APBB2: variants seen among roughly 807,000 people sequenced by gnomAD.
The protein encoded by APBB2 is Fe65-like 1.
Under a neutral mutation model 82.5 loss-of-function variants are expected in APBB2, and 38 were observed. The ratio of observed to expected loss-of-function variants is 0.46; its 90% CI spans 0.36 to 0.60. The LOEUF is 0.60. Ranked by LOEUF, APBB2 falls within the 20% of genes least tolerant of loss-of-function variation. APBB2 has a pLI of 0.00. For synonymous variants in APBB2, 341 were observed against 368.2 expected (o/e 0.93, Z 0.85); for missense variants, 772 against 972.3 (o/e 0.79, Z 2.74).
chr4:40,973,223 C>A (rs1796377491), intron 6 of APBB2, among the ~76,000 whole-genome samples: 1 of 152,166 alleles, frequency 6.6e-6, no homozygotes, highest in South Asian at 2.1e-4. Flanking sequence ...AGAGGCTCAG[C>A]AAGTGATCAG....
intron 4 of APBB2, among the ~76,000 whole-genome samples, chr4:41,054,904 C>T (rs150634637): frequency 6.6e-6 from 1 of 152,142 alleles, no homozygotes; most frequent in Non-Finnish European, 1.5e-5. Context: ...CTGCCCCTCC[C>T]GATCAAACAG....
intron 1 of APBB2, among the ~76,000 whole-genome samples, chr4:41,208,960 T>C (rs935711101): frequency 2.6e-4 from 40 of 152,322 alleles, no homozygotes; most frequent in African/African-American, 7.9e-4. Flanking sequence ...AAATAAATTA[T>C]ATAGAAAGGG....
chr4:40,956,170 G>A (rs1791598604), intron 6 of APBB2, among the ~76,000 whole-genome samples: 1 of 151,890 alleles, frequency 6.6e-6, no homozygotes. Context: ...TCTGGCCCAA[G>A]GTTTGTGTTG....
chr4:40,826,990 A>C lies in APBB2; in HGVS notation c.1732+142T>G. 1 of 701,838 alleles carries C rather than the reference A, an allele frequency of 1.4e-6. No homozygotes were observed. The highest frequency in any genetic ancestry group is 1.8e-5 in the African/African-American group (1 of 55,594). 43.5% of individuals were successfully genotyped at this position (701,838 alleles called of 1,614,324 possible). ...TCAACTCTGTGCCTCTGTGAGACCC[A>C]GCGTGCAGGCTCAACTTGTGCTTAC... On this transcript the variant is annotated intron_variant, in intron 14 of 17. Transcript: ENST00000508593. This position sits in a 1 kb window ranked among gnomAD's most constrained non-coding sequence, Gnocchi z 4.5.
Position 41,013,729 on chromosome 4 carries a change from G to A in APBB2, c.689C>T (p.Pro230Leu). 1 of 1,614,192 alleles carries A rather than the reference G, an allele frequency of 6.2e-7. No individual in the cohort carries two copies. Among genetic ancestry groups the A allele is most frequent in the South Asian group, 1.1e-5 (1 of 91,080 alleles). The change falls in exon 6 of 18, where the codon CCA becomes CTA. Residue 230 changes from proline to leucine, a missense_variant. Physicochemically the swap from Pro to Leu is moderately conservative, Grantham distance 98. Coordinates refer to ENST00000508593, the MANE Select transcript of APBB2 (RefSeq NM_004307.2). The part of the protein sequence containing the change: ...DGQVATVSSS[P>L]ETKKDHPKTG... ...TTTCGGATGATCCTTCTTGGTTTCT[G>A]GGCTGGATGACACTGTGGCTACTTG...
At chr4:40,823,406 G>T (rs1014109467) in intron 16 of APBB2, among the ~76,000 whole-genome samples, 2 of 152,090 alleles carry the variant, frequency 1.3e-5, no homozygotes, top group Non-Finnish European at 2.9e-5. Flanking sequence ...TTCTCTCTGG[G>T]GCACATGAGG....
At chr4:41,083,051 G>C (rs1199095471) in intron 3 of APBB2, among the ~76,000 whole-genome samples, 1 of 152,096 alleles carries the variant, frequency 6.6e-6, no homozygotes, top group Non-Finnish European at 1.5e-5. Context: ...TGTAGACCCA[G>C]CTACTCAGGA....
At chr4:41,003,814 G>C (rs1054908089) in intron 6 of APBB2, among the ~76,000 whole-genome samples, 1 of 152,230 alleles carries the variant, frequency 6.6e-6, no homozygotes, top group African/African-American at 2.4e-5. Context: ...CTGGGGTCAA[G>C]CAATTCTCCT....
intron 2 of APBB2, among the ~76,000 whole-genome samples, chr4:41,136,468 T>C (rs1009164314): frequency 3.9e-5 from 6 of 152,188 alleles, no homozygotes; most frequent in Non-Finnish European, 7.3e-5. Flanking sequence ...TCTATGGATA[T>C]GTTTTTAGGA....
chr4:40,938,241 C>A lies in APBB2; in HGVS notation c.1045-3102G>T, dbSNP rs533768988. Among the ~76,000 whole-genome samples, 38 of 152,292 alleles carry A rather than the reference C, an allele frequency of 2.5e-4. No individual in the cohort carries two copies. The South Asian group carries it at 7.5e-3, about 30-fold the overall frequency. The stretch of plus-strand genomic sequence containing the variant: ...CTCCTGGTGCTTGTCCTGACCTTGT[C>A]CAGGCTGCAACCTCCCTTTCTCTGA... On this transcript the variant is annotated intron_variant, in intron 7 of 17. Transcript: ENST00000508593.
In APBB2 at chr4:40,934,487, G is replaced by A. The variant is rs761021749; in HGVS notation, c.1223C>T (p.Ser408Phe). ...RNAPHPDDDD[S>F]CSINSDPEAK... ...TTCTGGGTCACTGTTGATACTACAA[G>A]AATCATCATCATCAGGGTGTGGGGC... Residue 408 changes from serine (S) to phenylalanine (F), a missense_variant, in exon 10 of 18, where the codon TCT becomes TTT. By Grantham distance (155) the Ser-to-Phe change is radical. Transcript: ENST00000508593. The A allele has an allele frequency of 1.9e-6, 3 of 1,614,154 alleles. No individual in the cohort carries two copies. In the South Asian group the frequency reaches 3.3e-5, roughly 18 times the overall value.
intron 12 of APBB2, among the ~76,000 whole-genome samples, chr4:40,884,956 T>C (rs764396404): frequency 6.6e-6 from 1 of 152,196 alleles, no homozygotes; most frequent in Non-Finnish European, 1.5e-5. Context: ...TTATGAATAA[T>C]CTATGACACA....
chr4:41,122,428 T>C (rs1364223572), intron 2 of APBB2, among the ~76,000 whole-genome samples: 1 of 152,176 alleles, frequency 6.6e-6, no homozygotes, highest in Admixed American at 6.5e-5. Flanking sequence ...TAAACAACAC[T>C]AGCAGATTAA....
intron 10 of APBB2, among the ~76,000 whole-genome samples, chr4:40,912,951 T>C (rs967382315): frequency 3.3e-5 from 5 of 152,198 alleles, no homozygotes; most frequent in African/African-American, 1.2e-4. Context: ...TGGAAAAGAT[T>C]GGAAAGCAAG....
chr4:41,114,283 C>A (rs1750194759), intron 2 of APBB2, among the ~76,000 whole-genome samples: 1 of 152,104 alleles, frequency 6.6e-6, no homozygotes. Context: ...CCTCTTCATG[C>A]TAAAAACTTA....
rs558578460 is a variant in APBB2, at chr4:41,122,946, C to T, written c.-261+20041G>A. On this transcript the variant is annotated intron_variant, in intron 2 of 17. Transcript: ENST00000508593. ...CAGCATTCCCATTCTTCAAACACGC[C>T]GCACTGGCTCCACCTGGGGGCCTAT... Among the ~76,000 whole-genome samples, 125 of 152,306 alleles carry T rather than the reference C, an allele frequency of 8.2e-4. 1 individual carries two copies. Among genetic ancestry groups the T allele is most frequent in the South Asian group, 4.8e-3 (23 of 4,820 alleles).
intron 5 of APBB2, among the ~76,000 whole-genome samples, chr4:41,015,238 G>GTTAGTGATTTAT (rs1164850908): frequency 3.3e-5 from 5 of 152,162 alleles, no homozygotes; most frequent in Non-Finnish European, 5.9e-5. Flanking sequence ...TGTTTGCGCC[G>GTTAGTGATTTAT]TTAGTGATTT....
intron 6 of APBB2, among the ~76,000 whole-genome samples, chr4:40,966,403 C>T (rs189964273): frequency 6.6e-6 from 1 of 152,312 alleles, no homozygotes; most frequent in East Asian, 1.9e-4. Context: ...GTGGACTCCA[C>T]CAGCCAGAGG....
intron 1 of APBB2, among the ~76,000 whole-genome samples, chr4:41,206,515 C>G (rs1561038152): frequency 2.0e-5 from 3 of 152,176 alleles, no homozygotes. Context: ...CACCAGTGTC[C>G]TGGAAAAGGT....
Sources: gnomAD v4.1 joint callset for allele counts (sites outside exome capture counted in the v4.1 genomes callset) on GRCh38, gnomAD v4.1.1 for gene constraint, Gnocchi (gnomAD v3.1) non-coding constraint, MANE v1.5 for transcripts, NCBI Gene and HGNC (gene_info 2026-07-23, HGNC 2026-07-21) for gene names.